TENM4: variants seen among roughly 807,000 people sequenced by gnomAD.
TENM4 encodes the protein teneurin transmembrane protein 4, also known as teneurin-4.
In TENM4, 82 loss-of-function variants were observed where a neutral mutation model predicts 243.3. The observed-to-expected ratio is 0.34, with a 90% CI of 0.28 to 0.40. The LOEUF (loss-of-function observed/expected upper bound fraction) is 0.40. Among genes scored for constraint, TENM4 ranks in the 10% least tolerant of loss-of-function variants. The pLI is 1.00. For synonymous variants in TENM4, 1,412 were observed against 1,456.3 expected, an observed-to-expected ratio of 0.97 and a Z score of 0.69; for missense variants, 3,138 against 3,673.3, an observed-to-expected ratio of 0.85 and a Z score of 3.77.
chr11:78,742,264 G>A (rs746361797), intron 19 of TENM4, among the ~76,000 whole-genome samples: 8 of 152,196 alleles, frequency 5.3e-5, no homozygotes, highest in Non-Finnish European at 1.2e-4. Flanking sequence ...AACTGAAAGA[G>A]AGAAAAAGAC....
chr11:78,740,289 G>C (rs1316037809), intron 19 of TENM4, among the ~76,000 whole-genome samples: 1 of 152,112 alleles, frequency 6.6e-6, no homozygotes, highest in Non-Finnish European at 1.5e-5. Flanking sequence ...TGAAGCAGCT[G>C]GTCTCACTAG....
At chr11:79,180,404 T>C (rs1477849386) in intron 3 of TENM4, among the ~76,000 whole-genome samples, 5 of 151,654 alleles carry the variant, frequency 3.3e-5, no homozygotes, top group African/African-American at 1.2e-4. Flanking sequence ...TGAAGAAGCA[T>C]CATAGTGCAG....
chr11:79,167,755 G>GT (rs1862947211), intron 3 of TENM4, among the ~76,000 whole-genome samples: 1 of 152,206 alleles, frequency 6.6e-6, no homozygotes, highest in East Asian at 1.9e-4. Flanking sequence ...TTGGTGTGGG[G>GT]TTGAGGGTGA....
chr11:78,889,510 G>T (rs569181858), intron 9 of TENM4, among the ~76,000 whole-genome samples: 2 of 152,168 alleles, frequency 1.3e-5, no homozygotes, highest in Non-Finnish European at 2.9e-5. Flanking sequence ...GAGCACTCAC[G>T]CCTTAATACC....
chr11:79,252,359 C>T (rs1422808660), intron 2 of TENM4, among the ~76,000 whole-genome samples: 3 of 152,154 alleles, frequency 2.0e-5, no homozygotes, highest in Non-Finnish European at 4.4e-5. Context: ...TTCAGCCTTC[C>T]GAGTAGCTGG....
chr11:78,757,083 A>G, intron 18 of TENM4, 62 bp from the exon 19 acceptor site: 1 of 1,485,018 alleles, frequency 6.7e-7, no homozygotes, highest in African/African-American at 1.4e-5. Flanking sequence ...GTTTATCCAG[A>G]ATGCCTTAAT....
At chr11:79,031,465 C>G (rs527472235) in intron 6 of TENM4, among the ~76,000 whole-genome samples, 1 of 152,220 alleles carries the variant, frequency 6.6e-6, no homozygotes, top group East Asian at 1.9e-4. Flanking sequence ...CACCAGGAAG[C>G]CAGAAGCACA....
intron 1 of TENM4, among the ~76,000 whole-genome samples, chr11:79,318,361 G>A (rs1460919871): frequency 3.3e-5 from 5 of 152,058 alleles, no homozygotes; most frequent in African/African-American, 1.2e-4. Context: ...ATATAATGAA[G>A]GATTTTCTTC....
chr11:79,089,884 C>G (rs1472311249), intron 4 of TENM4, among the ~76,000 whole-genome samples: 1 of 152,118 alleles, frequency 6.6e-6, no homozygotes, highest in African/African-American at 2.4e-5. Flanking sequence ...TCACAGAGGG[C>G]AAGGATTTGC....
rs559314891 is a variant in TENM4, at chr11:79,020,834, C to G, written c.493+43904G>C. Among the ~76,000 whole-genome samples, 3 of 152,298 alleles carry G rather than the reference C, an allele frequency of 2.0e-5. No homozygotes were observed. The East Asian group carries it at 5.8e-4, about 29-fold the overall frequency. The stretch of plus-strand genomic sequence containing the variant: ...CAACCAACATCGCTGAGCACCTACT[C>G]TATGTCAAGCCCAGACCTAGACCTA... On this transcript the variant is annotated intron_variant, in intron 6 of 33. Transcript: ENST00000278550.
At chr11:79,181,965 C>T (rs972739780) in intron 3 of TENM4, among the ~76,000 whole-genome samples, 2 of 115,672 alleles carry the variant, frequency 1.7e-5, no homozygotes, top group African/African-American at 3.2e-5. Flanking sequence ...AAAAAAAAAA[C>T]TGTTCCACGT....
chr11:79,341,077 G>A (rs933310861), intron 1 of TENM4, among the ~76,000 whole-genome samples: 2 of 152,146 alleles, frequency 1.3e-5, no homozygotes, highest in African/African-American at 2.4e-5. Context: ...ACCACAGAAC[G>A]CAGGCACCTC....
rs754291585 is a variant in TENM4 at position 78,805,478 on chromosome 11, G to A, written c.1993C>T (p.Pro665Ser). 9 of 1,580,804 alleles carry A rather than the reference G, an allele frequency of 5.7e-6. No homozygotes were observed. The highest frequency in any genetic ancestry group is 7.7e-6 in the Non-Finnish European group (9 of 1,163,036). Residue 665 changes from proline to serine, a missense_variant, in exon 15 of 34, where the codon CCC (proline) becomes TCC (serine). By Grantham distance (74) the Pro-to-Ser change is moderately conservative (BLOSUM62 -1). Transcript: ENST00000278550. ...ESCEEVDCMDPTCSGRGVCVR... is the reference protein window; with the variant it reads ...ESCEEVDCMDSTCSGRGVCVR... ...CAGACACCCCGGCCTGAACATGTGG[G>A]GTCCATGCAGTCCACTGTGAGATGG...
chr11:78,792,518 A>G (rs1465824096), intron 15 of TENM4, among the ~76,000 whole-genome samples: 1 of 151,618 alleles, frequency 6.6e-6, no homozygotes, highest in African/African-American at 2.4e-5. Flanking sequence ...CCATAGCACC[A>G]CCCTTTCCCT....
intron 2 of TENM4, among the ~76,000 whole-genome samples, chr11:79,223,673 T>C (rs1475348952): frequency 6.6e-6 from 1 of 152,142 alleles, no homozygotes; most frequent in Non-Finnish European, 1.5e-5. Context: ...CCTTGTATGC[T>C]CCAGCTAAAC....
intron 6 of TENM4, among the ~76,000 whole-genome samples, chr11:78,942,921 C>A (rs1023089432): frequency 6.6e-6 from 1 of 152,062 alleles, no homozygotes; most frequent in African/African-American, 2.4e-5. Context: ...GACTCCAAAG[C>A]CTGTGCCCTT....
At chr11:79,423,610 G>A (rs1385381198) in intron 1 of TENM4, among the ~76,000 whole-genome samples, 1 of 150,568 alleles carries the variant, frequency 6.6e-6, no homozygotes. Flanking sequence ...ACAAGGTGGG[G>A]AAACGGGTCA....
chr11:78,672,130 C>G lies in TENM4; in HGVS notation c.5696G>C (p.Gly1899Ala). 6.2e-7 allele frequency: 1 copy of G among 1,614,006 alleles called. No individual in the cohort carries two copies. The change falls in exon 31 of 34, where the codon GGC becomes GCC. Residue 1899 changes from glycine (G) to alanine (A), a missense_variant. Physicochemically the swap from Gly to Ala is moderately conservative, Grantham distance 60. Around this residue, in one of 2 missense-constraint regions of TENM4, gnomAD observed 2,467 missense variants for 3,059.1 expected, o/e 0.81. Coordinates refer to ENST00000278550, the MANE Select transcript of TENM4 (RefSeq NM_001098816.3). The part of the protein sequence containing the change: ...PGGYIAGIQR[G>A]IMSERMEYDQ... ...GTATTCCATTCTTTCAGACATGATGCCCCTCTGGATGCCAGCAATGTAACC... is the reference window on the plus strand; with the variant it reads ...GTATTCCATTCTTTCAGACATGATGGCCCTCTGGATGCCAGCAATGTAACC...
chr11:79,261,563 C>A (rs1855797862), intron 2 of TENM4, among the ~76,000 whole-genome samples: 2 of 152,114 alleles, frequency 1.3e-5, no homozygotes. Flanking sequence ...TATATGGAAC[C>A]CCACACCAGG....
Sources: allele counts gnomAD v4.1 joint callset (sites outside exome capture counted in the v4.1 genomes callset), GRCh38; gene constraint gnomAD v4.1.1; regional missense constraint gnomAD v4.1.1; transcripts MANE v1.5; gene names NCBI Gene and HGNC (gene_info 2026-07-23, HGNC 2026-07-21).